Variants in MAGI1 observed in about 807,000 individuals in gnomAD.
MAGI1 encodes membrane associated guanylate kinase, WW and PDZ domain containing 1, also known as membrane-associated guanylate kinase, WW and PDZ domain-containing protein 1.
In MAGI1, 58 loss-of-function variants were observed where a neutral mutation model predicts 139.9. The observed-to-expected ratio is 0.41, with a 90% CI of 0.34 to 0.52. The LOEUF is 0.52. Ranked by LOEUF, MAGI1 falls within the 20% of genes least tolerant of loss-of-function variation. MAGI1 has a pLI of 0.12. For missense variants in MAGI1, 1,874 were observed against 1,901.6 expected (o/e 0.99, Z 0.27); for synonymous variants, 812 against 737.9 (o/e 1.10, Z -1.63).
At chr3:65,510,081 G>T (rs2077504195) in intron 2 of MAGI1, among the ~76,000 whole-genome samples, 1 of 152,182 alleles carries the variant, frequency 6.6e-6, no homozygotes, top group South Asian at 2.1e-4. Context: ...CAACAGACCT[G>T]CAGCTGAGGG....
rs191650367 is a variant in MAGI1, at chr3:65,767,436, T to C, written c.314-145348A>G. 7.2e-4 allele frequency among the ~76,000 whole-genome samples: 109 copies of C among 152,070 alleles called. 2 individuals carry two copies. The highest frequency in any genetic ancestry group is 2.5e-3 in the African/African-American group (104 of 41,480). ...CCTGGCCAACATGGTGAAATCTCGT[T>C]TCTACTAAAAACACAGAAAAGAAAA... On this transcript the variant is annotated intron_variant, in intron 1 of 22. Coordinates refer to ENST00000402939, the MANE Select transcript of MAGI1 (RefSeq NM_001033057.2).
At chr3:65,985,680 G>A (rs977113219) in intron 1 of MAGI1, among the ~76,000 whole-genome samples, 3 of 152,096 alleles carry the variant, frequency 2.0e-5, no homozygotes, top group African/African-American at 7.2e-5. Flanking sequence ...CTAACTACCT[G>A]TTTGGAGGAA....
intron 1 of MAGI1, among the ~76,000 whole-genome samples, chr3:66,024,583 G>A (rs1440363021): frequency 6.6e-6 from 1 of 152,164 alleles, no homozygotes; most frequent in Admixed American, 6.5e-5. Context: ...AAGGTGGGCG[G>A]ATCACCTGAG....
At chr3:65,840,415 T>G (rs1337885756) in intron 1 of MAGI1, among the ~76,000 whole-genome samples, 2 of 152,242 alleles carry the variant, frequency 1.3e-5, no homozygotes, top group South Asian at 4.1e-4. Flanking sequence ...ATACTCCATA[T>G]TGAGTTTAAA....
intron 1 of MAGI1, among the ~76,000 whole-genome samples, chr3:65,856,267 A>C (rs1348597102): frequency 6.6e-6 from 1 of 152,078 alleles, no homozygotes; most frequent in Admixed American, 6.6e-5. Flanking sequence ...AGGGAATAGA[A>C]GACTCCAGAA....
intron 1 of MAGI1, among the ~76,000 whole-genome samples, chr3:66,029,167 G>C (rs190452637): frequency 3.2e-4 from 49 of 152,212 alleles, no homozygotes; most frequent in African/African-American, 1.2e-3. Context: ...AGCCAACCTT[G>C]GGTCCAAAAT....
intron 1 of MAGI1, among the ~76,000 whole-genome samples, chr3:65,702,671 A>G (rs1576803677): frequency 6.6e-6 from 1 of 152,180 alleles, no homozygotes; most frequent in Non-Finnish European, 1.5e-5. Flanking sequence ...TTCCTTAGCT[A>G]AAGAAGATAA....
chr3:65,409,297 A>G (rs1023758151), intron 12 of MAGI1, among the ~76,000 whole-genome samples: 1 of 152,218 alleles, frequency 6.6e-6, no homozygotes, highest in Non-Finnish European at 1.5e-5. Flanking sequence ...CCAGGAGAGA[A>G]GGGAGCACTG....
intron 1 of MAGI1, among the ~76,000 whole-genome samples, chr3:65,785,358 AG>A (rs1354005220): frequency 6.6e-6 from 1 of 152,214 alleles, no homozygotes; most frequent in African/African-American, 2.4e-5. Flanking sequence ...GGACGGAATG[AG>A]GTATTAGTAT....
chr3:65,771,813 G>A (rs78523490), intron 1 of MAGI1, among the ~76,000 whole-genome samples: 4,411 of 152,286 alleles, frequency 0.029, 81 homozygotes, highest in Middle Eastern at 0.044. Context: ...GCTATGAGAA[G>A]CAGGGACTAG....
chr3:65,860,638 C>T (rs1257307409), intron 1 of MAGI1, among the ~76,000 whole-genome samples: 1 of 152,140 alleles, frequency 6.6e-6, no homozygotes, highest in Non-Finnish European at 1.5e-5. Context: ...GAAAGGTCCC[C>T]TAGGATGGTG....
intron 1 of MAGI1, among the ~76,000 whole-genome samples, chr3:65,949,585 C>T (rs2063699367): frequency 6.6e-6 from 1 of 152,152 alleles, no homozygotes; most frequent in Admixed American, 6.5e-5. Flanking sequence ...ATGAGACATG[C>T]CTCCAAGTTT....
chr3:65,444,432 G>A (rs1005510772), intron 7 of MAGI1, among the ~76,000 whole-genome samples: 5 of 150,586 alleles, frequency 3.3e-5, no homozygotes, highest in African/African-American at 1.2e-4. Context: ...GCAGAAGGGT[G>A]GGTGGATGTG....
chr3:65,818,598 C>T (rs2041756224), intron 1 of MAGI1, among the ~76,000 whole-genome samples: 2 of 152,048 alleles, frequency 1.3e-5, no homozygotes, highest in African/African-American at 4.8e-5. Context: ...TGTACAACAG[C>T]GCAGCAATGG....
intron 12 of MAGI1, among the ~76,000 whole-genome samples, chr3:65,423,431 C>G (rs553830302): frequency 2.6e-5 from 4 of 152,274 alleles, no homozygotes; most frequent in African/African-American, 9.6e-5. Context: ...ATGCACTTAG[C>G]TAACGAGATT....
intron 12 of MAGI1, among the ~76,000 whole-genome samples, chr3:65,414,105 A>G (rs1233050993): frequency 6.6e-6 from 1 of 152,194 alleles, no homozygotes; most frequent in Non-Finnish European, 1.5e-5. Flanking sequence ...ATGAAGCTCT[A>G]ATCAGGCTTT....
chr3:65,984,612 T>C (rs1372710527), intron 1 of MAGI1, among the ~76,000 whole-genome samples: 1 of 150,762 alleles, frequency 6.6e-6, no homozygotes, highest in Non-Finnish European at 1.5e-5. Context: ...TCACTGCAGC[T>C]TCAGCCTCCC....
chr3:65,973,510 G>A (rs1284008561), intron 1 of MAGI1, among the ~76,000 whole-genome samples: 1 of 152,184 alleles, frequency 6.6e-6, no homozygotes, highest in Admixed American at 6.5e-5. Context: ...TGGTATAAGT[G>A]AATGTCTCCT....
intron 1 of MAGI1, among the ~76,000 whole-genome samples, chr3:65,703,582 T>C (rs527641334): frequency 1.3e-5 from 2 of 152,336 alleles, no homozygotes; most frequent in East Asian, 3.9e-4. Flanking sequence ...TCTTGGACAC[T>C]GCTACTTGGA....
Sources: allele counts gnomAD v4.1 joint callset (sites outside exome capture counted in the v4.1 genomes callset), GRCh38; gene constraint gnomAD v4.1.1; transcripts MANE v1.5; gene names NCBI Gene and HGNC (gene_info 2026-07-23, HGNC 2026-07-21).